ARHGAP8: variants seen among roughly 807,000 people sequenced by gnomAD.
ARHGAP8 encodes the protein rho GTPase-activating protein 8.
Under a neutral mutation model 46.1 loss-of-function variants are expected in ARHGAP8, and 62 were observed. The observed-to-expected ratio is 1.34, with a 90% CI of 1.10 to 1.66. The LOEUF is 1.66. Among genes scored for constraint, ARHGAP8 ranks in the 40% most tolerant of loss-of-function variants. The pLI, the probability that ARHGAP8 is intolerant of heterozygous loss-of-function variation, is 0.00. For synonymous variants in ARHGAP8, 375 were observed against 243.1 expected (o/e 1.54, Z -5.05); for missense variants, 923 against 568.4 (o/e 1.62, Z -6.34).
At chr22:44,796,938 C>A (rs1928131612) in intron 2 of ARHGAP8, among the ~76,000 whole-genome samples, 1 of 152,174 alleles carries the variant, frequency 6.6e-6, no homozygotes, top group Non-Finnish European at 1.5e-5. Flanking sequence ...GTGGTCTAAG[C>A]CCAGATACAA....
At chr22:44,766,889 T>C in intron 1 of ARHGAP8, among the ~76,000 whole-genome samples, 1 of 151,578 alleles carries the variant, frequency 6.6e-6, no homozygotes, top group East Asian at 2.0e-4. Context: ...GACAGGGGCT[T>C]TGGGGAGGCC....
At chr22:44,818,673 GTTTAT>G (rs1929922137) in intron 5 of ARHGAP8, among the ~76,000 whole-genome samples, 1 of 151,848 alleles carries the variant, frequency 6.6e-6, no homozygotes, top group African/African-American at 2.4e-5. Flanking sequence ...TACATATAGT[GTTTAT>G]TTTATTTTTC....
intron 2 of ARHGAP8, among the ~76,000 whole-genome samples, chr22:44,794,554 C>A (rs966223558): frequency 6.6e-6 from 1 of 151,958 alleles, no homozygotes; most frequent in African/African-American, 2.4e-5. Context: ...ACTAAAAATA[C>A]AAAAAATTAG....
chr22:44,767,984 C>CTTTTTT (rs1167255172), intron 1 of ARHGAP8, among the ~76,000 whole-genome samples: 2,190 of 47,250 alleles, frequency 0.046, 844 homozygotes, highest in Middle Eastern at 0.18. Flanking sequence ...CGCATGATGT[C>CTTTTTT]TTTTTTTTTT....
chr22:44,842,008 G>A (rs969454236), intron 7 of ARHGAP8, among the ~76,000 whole-genome samples: 4 of 152,182 alleles, frequency 2.6e-5, no homozygotes, highest in Admixed American at 6.5e-5. Context: ...CCTCCCCCAA[G>A]TATGTACTGT....
At chr22:44,857,466 T>C (rs1053142711) in intron 10 of ARHGAP8, among the ~76,000 whole-genome samples, 4 of 152,148 alleles carry the variant, frequency 2.6e-5, no homozygotes, top group African/African-American at 9.7e-5. Context: ...TACCAGTTTA[T>C]TTACTAGAAG....
At chr22:44,798,907 G>GC (rs1281729402) in intron 2 of ARHGAP8, among the ~76,000 whole-genome samples, 1 of 136,874 alleles carries the variant, frequency 7.3e-6, no homozygotes. Flanking sequence ...TGGGATTACA[G>GC]GCATGTGCAA....
At chr22:44,803,248 G>C (rs765944397) in intron 3 of ARHGAP8, among the ~76,000 whole-genome samples, 2 of 152,160 alleles carry the variant, frequency 1.3e-5, no homozygotes, top group African/African-American at 4.8e-5. Flanking sequence ...ACCCAGGTGC[G>C]CATGGGCTCC....
intron 7 of ARHGAP8, among the ~76,000 whole-genome samples, chr22:44,839,833 G>A (rs566821764): frequency 3.7e-4 from 56 of 152,214 alleles, no homozygotes; most frequent in Non-Finnish European, 7.5e-4. Context: ...CAGCAACCAC[G>A]TCACACTTCT....
chr22:44,861,791 T>G (rs917097410), intron 11 of ARHGAP8, among the ~76,000 whole-genome samples: 2 of 152,048 alleles, frequency 1.3e-5, no homozygotes, highest in African/African-American at 4.8e-5. Context: ...CGTGCTGGGG[T>G]TGCACGTGTT....
chr22:44,837,701 G>A (rs181246569), intron 7 of ARHGAP8, among the ~76,000 whole-genome samples: 61 of 152,252 alleles, frequency 4.0e-4, no homozygotes, highest in Admixed American at 2.2e-3. Context: ...AGCAAGTAGC[G>A]GATGGGCAGG....
intron 1 of ARHGAP8, among the ~76,000 whole-genome samples, chr22:44,753,274 T>A (rs996715012): frequency 2.0e-5 from 3 of 151,294 alleles, no homozygotes; most frequent in Admixed American, 2.0e-4. Context: ...CCAGGCTGGA[T>A]TGCAGTGTTG....
intron 7 of ARHGAP8, among the ~76,000 whole-genome samples, chr22:44,828,285 G>A (rs980559691): frequency 2.0e-5 from 3 of 152,120 alleles, no homozygotes; most frequent in African/African-American, 2.4e-5. Flanking sequence ...TTGCGGGTGC[G>A]AACAACTCTT....
At chr22:44,849,295 C>T (rs571955386) in intron 10 of ARHGAP8, 211 of 685,060 alleles carry the variant, frequency 3.1e-4, no homozygotes, top group Admixed American at 5.5e-4. Context: ...TTGTCCAGGC[C>T]GGTCTCTCAG....
At chr22:44,780,865 G>A (rs5765990) in intron 1 of ARHGAP8, among the ~76,000 whole-genome samples, 133,225 of 152,156 alleles carry the variant, frequency 0.88, 58,415 homozygotes, top group Non-Finnish European at 0.89. Context: ...CCTCATTCAC[G>A]GTAGAGCTAC....
In ARHGAP8 at chr22:44,803,283, G is replaced by T. The variant is rs77422523; in HGVS notation, c.167+1119G>T. Among the ~76,000 whole-genome samples the T allele has an allele frequency of 3.0e-3, 460 of 152,260 alleles. 9 individuals carry two copies. The East Asian group carries it at 0.032, about 11-fold the overall frequency. On this transcript the variant is annotated intron_variant, in intron 3 of 11. Transcript: ENST00000356099. ...CACAGCTGGTACAGGGTGGGGGGCC[G>T]TAGAAAATCAAGGTTGTTGTTAGTT...
At chr22:44,797,228 T>TC (rs1928155403) in intron 2 of ARHGAP8, among the ~76,000 whole-genome samples, 1 of 151,832 alleles carries the variant, frequency 6.6e-6, no homozygotes, top group Admixed American at 6.6e-5. Flanking sequence ...TTTTTTTTTT[T>TC]TTTTTTTAAT....
In ARHGAP8 at chr22:44,859,851, G is replaced by A. The variant is rs1455477846; in HGVS notation, c.981+17G>A. On this transcript the variant is annotated intron_variant, in intron 11 of 11. Coordinates refer to ENST00000356099, the MANE Select transcript of ARHGAP8 (RefSeq NM_181335.3). ...CTGCATGCGGTGAGTGGGGAAGGGG[G>A]GAGCTTGGGGTGAAGCCCAGTGGCC... is the stretch of plus-strand genomic sequence containing the variant. 1.2e-6 allele frequency: 2 copies of A among 1,611,074 alleles called. No homozygotes were observed. The highest frequency in any genetic ancestry group is 1.7e-6 in the Non-Finnish European group (2 of 1,178,714).
At chr22:44,828,133 C>G (rs1930668450) in intron 7 of ARHGAP8, among the ~76,000 whole-genome samples, 1 of 152,206 alleles carries the variant, frequency 6.6e-6, no homozygotes, top group Non-Finnish European at 1.5e-5. Flanking sequence ...AGGAGTTGTA[C>G]TTAAGACATT....
Sources: allele counts gnomAD v4.1 joint callset (sites outside exome capture counted in the v4.1 genomes callset), GRCh38; gene constraint gnomAD v4.1.1; transcripts MANE v1.5; gene names NCBI Gene and HGNC (gene_info 2026-07-23, HGNC 2026-07-21).